Variants in SLC35F4 observed in about 807,000 individuals in gnomAD.
SLC35F4 encodes the protein solute carrier family 35 member F4.
SLC35F4 carries 24 observed loss-of-function variants against 44.2 expected under a neutral mutation model. That is an observed-to-expected ratio of 0.54 (90% CI 0.39 to 0.76). The LOEUF is 0.76. SLC35F4 is among the 30% of genes least tolerant of loss of function. The probability of loss-of-function intolerance (pLI) is 0.00; values close to 1 mark genes in which losing one functional copy is unlikely to be tolerated. For synonymous variants in SLC35F4, 238 were observed against 223.6 expected (o/e 1.06, Z -0.57); for missense variants, 562 against 586.1 (o/e 0.96, Z 0.42).
intron 1 of SLC35F4, among the ~76,000 whole-genome samples, chr14:57,638,755 T>C (rs899028129): frequency 6.6e-6 from 1 of 152,106 alleles, no homozygotes; most frequent in Non-Finnish European, 1.5e-5. Context: ...GTTACTCTTA[T>C]GTGTCCCAAA....
intron 1 of SLC35F4, among the ~76,000 whole-genome samples, chr14:57,698,510 A>G (rs2075445332): frequency 6.6e-6 from 1 of 152,220 alleles, no homozygotes; most frequent in Non-Finnish European, 1.5e-5. Context: ...AGCATTTTTC[A>G]AAGTCTTCCA....
At chr14:57,876,989 A>G (rs930044054) in intron 1 of SLC35F4, among the ~76,000 whole-genome samples, 2 of 151,672 alleles carry the variant, frequency 1.3e-5, no homozygotes, top group Non-Finnish European at 2.9e-5. Context: ...CAGGTGACCC[A>G]TCTTTTTTTT....
At chr14:57,633,906 C>G (rs748419315) in intron 1 of SLC35F4, among the ~76,000 whole-genome samples, 1 of 151,956 alleles carries the variant, frequency 6.6e-6, no homozygotes, top group Non-Finnish European at 1.5e-5. Context: ...CTACCATGGA[C>G]AGAATGCTAA....
At chr14:57,689,806 C>T (rs1006308793) in intron 1 of SLC35F4, among the ~76,000 whole-genome samples, 2 of 151,606 alleles carry the variant, frequency 1.3e-5, no homozygotes, top group Admixed American at 6.6e-5. Context: ...TTAATGGGTG[C>T]GGCACACCAA....
chr14:57,834,728 A>G, intron 1 of SLC35F4, among the ~76,000 whole-genome samples: 1 of 152,204 alleles, frequency 6.6e-6, no homozygotes. Flanking sequence ...CTTCTCAGAG[A>G]ACCAAAATAG....
At chr14:57,777,850 TC>T (rs34993065) in intron 1 of SLC35F4, among the ~76,000 whole-genome samples, 13,507 of 152,072 alleles carry the variant, frequency 0.089, 675 homozygotes, top group Middle Eastern at 0.16. Context: ...TATGCCATCT[TC>T]CAGAGACCCA....
At chr14:57,634,483 T>C (rs567064694) in intron 1 of SLC35F4, among the ~76,000 whole-genome samples, 4 of 152,188 alleles carry the variant, frequency 2.6e-5, no homozygotes, top group Admixed American at 1.3e-4. Flanking sequence ...CTGAAAGATA[T>C]GAATGACAAG....
At chr14:57,879,356 A>G (rs184068780) in intron 1 of SLC35F4, among the ~76,000 whole-genome samples, 4 of 152,190 alleles carry the variant, frequency 2.6e-5, no homozygotes, top group Admixed American at 1.3e-4. Flanking sequence ...CTCGAGCTGA[A>G]CAACTTAATC....
At position 57,564,101 on chromosome 14, in the gene SLC35F4, T is replaced by C; in HGVS notation, c.*34A>G. On this transcript the variant is annotated 3_prime_UTR_variant, in exon 8 of 8. Coordinates refer to ENST00000556826, the MANE Select transcript of SLC35F4 (RefSeq NM_001306087.2). ...AGAAAATTTTGTTATATTCACAGAATATACATACACGTGCATTCAAAATAT... is the reference window on the plus strand; with the variant it reads ...AGAAAATTTTGTTATATTCACAGAACATACATACACGTGCATTCAAAATAT... 6.2e-7 allele frequency: 1 copy of C among 1,609,600 alleles called. No individual in the cohort carries two copies. Among genetic ancestry groups the C allele is most frequent in the Non-Finnish European group, 8.5e-7 (1 of 1,176,774 alleles).
chr14:57,849,824 CA>C (rs1566903378), intron 1 of SLC35F4, among the ~76,000 whole-genome samples: 1 of 152,174 alleles, frequency 6.6e-6, no homozygotes, highest in African/African-American at 2.4e-5. Flanking sequence ...CCAATATAAG[CA>C]GAGCTTTCTT....
chr14:57,759,910 G>A (rs1451850813), intron 1 of SLC35F4, among the ~76,000 whole-genome samples: 3 of 145,460 alleles, frequency 2.1e-5, no homozygotes, highest in South Asian at 2.1e-4. Context: ...TTTTGCTATC[G>A]AGTTTAAGGA....
At chr14:57,576,000 T>C (rs1354816627) in intron 4 of SLC35F4, among the ~76,000 whole-genome samples, 1 of 152,012 alleles carries the variant, frequency 6.6e-6, no homozygotes, top group Non-Finnish European at 1.5e-5. Context: ...TTTTTTTTCT[T>C]TTTTCTTTTT....
At chr14:57,860,869 G>T (rs1887621862) in intron 1 of SLC35F4, among the ~76,000 whole-genome samples, 1 of 151,924 alleles carries the variant, frequency 6.6e-6, no homozygotes, top group African/African-American at 2.4e-5. Flanking sequence ...CCTCTTCTCT[G>T]CTTACCAGGT....
chr14:57,744,396 A>G (rs1298514112), intron 1 of SLC35F4, among the ~76,000 whole-genome samples: 3 of 152,230 alleles, frequency 2.0e-5, no homozygotes, highest in South Asian at 2.1e-4. Flanking sequence ...TACAAAATCA[A>G]TGTACAAAAA....
chr14:57,965,689 A>G (rs1890426401), intron 1 of SLC35F4, among the ~76,000 whole-genome samples: 2 of 152,224 alleles, frequency 1.3e-5, no homozygotes, highest in African/African-American at 4.8e-5. Context: ...AATCAAAAAC[A>G]GGTCATCTTA....
chr14:57,835,235 C>A (rs1192275811), intron 1 of SLC35F4, among the ~76,000 whole-genome samples: 2 of 152,180 alleles, frequency 1.3e-5, no homozygotes, highest in South Asian at 2.1e-4. Flanking sequence ...TCACCAGACA[C>A]CAACTCATTT....
At chr14:57,717,067 C>A (rs1235654753) in intron 1 of SLC35F4, among the ~76,000 whole-genome samples, 1 of 152,096 alleles carries the variant, frequency 6.6e-6, no homozygotes, top group Non-Finnish European at 1.5e-5. Context: ...AATAGTATTC[C>A]ATTGTGTATT....
intron 1 of SLC35F4, among the ~76,000 whole-genome samples, chr14:57,777,982 C>A (rs745922803): frequency 1.3e-5 from 2 of 152,170 alleles, no homozygotes; most frequent in Non-Finnish European, 2.9e-5. Context: ...ACCCAAATCT[C>A]ATCTTGAATT....
intron 1 of SLC35F4, among the ~76,000 whole-genome samples, chr14:57,673,673 A>C (rs1795543877): frequency 6.6e-6 from 1 of 151,848 alleles, no homozygotes; most frequent in South Asian, 2.1e-4. Context: ...AGAGGGATGA[A>C]TGCAGGTTTG....
Sources: allele counts gnomAD v4.1 joint callset (sites outside exome capture counted in the v4.1 genomes callset), GRCh38; gene constraint gnomAD v4.1.1; transcripts MANE v1.5; gene names NCBI Gene and HGNC (gene_info 2026-07-23, HGNC 2026-07-21).